RIN3: variants seen among roughly 807,000 people sequenced by gnomAD.
The protein encoded by RIN3 is RAB5 interacting protein 3.
Under a neutral mutation model 76.3 loss-of-function variants are expected in RIN3, and 54 were observed. The observed-to-expected ratio is 0.71, with a 90% confidence interval of 0.57 to 0.89. The LOEUF is 0.89. Among genes scored for constraint, RIN3 ranks in the 40% least tolerant of loss-of-function variants. RIN3 has a pLI of 0.00. For missense variants in RIN3, 1,256 were observed against 1,322.1 expected (o/e 0.95, Z 0.78); for synonymous variants, 576 against 564.0 (o/e 1.02, Z -0.30).
chr14:92,559,919 C>T (rs557881598), intron 2 of RIN3, among the ~76,000 whole-genome samples: 37 of 152,306 alleles, frequency 2.4e-4, no homozygotes, highest in African/African-American at 6.7e-4. Flanking sequence ...TTGACTGATT[C>T]GGGTCTGGGA....
chr14:92,517,560 G>A (rs1040769021), intron 1 of RIN3, among the ~76,000 whole-genome samples: 3 of 152,112 alleles, frequency 2.0e-5, no homozygotes, highest in African/African-American at 7.2e-5. Flanking sequence ...GAAGAGAGTG[G>A]GGGGCCATGC....
chr14:92,614,889 G>A (rs111857375), intron 3 of RIN3, among the ~76,000 whole-genome samples: 7 of 142,450 alleles, frequency 4.9e-5, no homozygotes, highest in African/African-American at 1.9e-4. Flanking sequence ...CTGTTGCCCA[G>A]GCGAAATGCT....
At chr14:92,644,822 C>T (rs67910622) in intron 5 of RIN3, 78,814 of 152,028 alleles carry the variant, frequency 0.52, 21,087 homozygotes, top group Non-Finnish European at 0.6. Context: ...AGGCTTGGGC[C>T]CTGCCAACCT....
At chr14:92,566,875 T>TCCCCA (rs1897928556) in intron 2 of RIN3, among the ~76,000 whole-genome samples, 1 of 152,186 alleles carries the variant, frequency 6.6e-6, no homozygotes, top group African/African-American at 2.4e-5. Context: ...TTTTCTCATC[T>TCCCCA]GCATGGAGGG....
intron 3 of RIN3, among the ~76,000 whole-genome samples, chr14:92,581,106 C>T (rs1898420852): frequency 6.6e-6 from 1 of 152,204 alleles, no homozygotes; most frequent in African/African-American, 2.4e-5. Flanking sequence ...CCTCTGATGA[C>T]AGCAGAAGAG....
At chr14:92,559,767 G>A (rs1351545700) in intron 2 of RIN3, among the ~76,000 whole-genome samples, 1 of 152,216 alleles carries the variant, frequency 6.6e-6, no homozygotes, top group African/African-American at 2.4e-5. Context: ...AGAGTAGCAG[G>A]TGACATAACA....
At chr14:92,553,766 C>T (rs546692686) in intron 1 of RIN3, among the ~76,000 whole-genome samples, 2 of 152,196 alleles carry the variant, frequency 1.3e-5, no homozygotes, top group East Asian at 3.9e-4. Flanking sequence ...TTGACACACC[C>T]CTCCTCATGA....
At chr14:92,674,172 G>A (rs1001414671) in intron 7 of RIN3, among the ~76,000 whole-genome samples, 6 of 152,212 alleles carry the variant, frequency 3.9e-5, no homozygotes, top group South Asian at 2.1e-4. Context: ...GAGGTGAGAG[G>A]AGGGAAGGAG....
intron 5 of RIN3, among the ~76,000 whole-genome samples, chr14:92,642,696 C>A (rs1566882134): frequency 2.0e-5 from 3 of 152,148 alleles, no homozygotes; most frequent in Admixed American, 1.3e-4. Flanking sequence ...AAAGAAGACA[C>A]CCCTTGGTTC....
At chr14:92,558,089 C>G (rs767158638) in intron 2 of RIN3, among the ~76,000 whole-genome samples, 10 of 152,212 alleles carry the variant, frequency 6.6e-5, no homozygotes, top group Non-Finnish European at 1.5e-4. Context: ...TGGCTCATGC[C>G]TATAATCCCA....
Position 92,688,176 on chromosome 14 carries a change from G to A in RIN3, c.2882G>A (p.Arg961Gln), listed in dbSNP as rs1339887112. Residue 961 changes from arginine (R) to glutamine (Q), a missense_variant, in exon 10 of 10, where the codon CGG becomes CAG. Arg to Gln is a conservative substitution (Grantham distance 43, BLOSUM62 1). This residue lies in a region of RIN3 where 218 missense variants were observed against 174.5 expected (regional missense o/e 1.25). Coordinates refer to ENST00000216487, the MANE Select transcript of RIN3 (RefSeq NM_024832.5). ...AAGCGCGACTTCCACTTTGTCTACCGGCCCCTGGACGGTGGTGGCGGCGGC... is the reference window on the plus strand; with the variant it reads ...AAGCGCGACTTCCACTTTGTCTACCAGCCCCTGGACGGTGGTGGCGGCGGC... ...EPKRDFHFVY[R>Q]PLDGGGGGGG... 1.9e-6 allele frequency: 3 copies of A among 1,595,854 alleles called. No individual in the cohort carries two copies. The highest frequency in any genetic ancestry group is 2.6e-6 in the Non-Finnish European group (3 of 1,175,132).
At chr14:92,557,538 G>C (rs924155334) in intron 2 of RIN3, among the ~76,000 whole-genome samples, 1 of 152,224 alleles carries the variant, frequency 6.6e-6, no homozygotes, top group Non-Finnish European at 1.5e-5. Flanking sequence ...CCTCGGACGA[G>C]GTAAAATGCA....
intron 1 of RIN3, among the ~76,000 whole-genome samples, chr14:92,536,034 T>C (rs10141468): frequency 0.66 from 99,855 of 151,910 alleles, 33,366 homozygotes; most frequent in Non-Finnish European, 0.72. Context: ...AGAAATCAGG[T>C]GACTGTAAAT....
intron 4 of RIN3, chr14:92,615,744 T>A (rs2140103887): frequency 2.1e-6 from 1 of 475,222 alleles, no homozygotes; most frequent in Middle Eastern, 5.8e-4. Context: ...ATCATCAGCT[T>A]CAAGGACAGC....
chr14:92,662,727 T>C (rs1332546893), intron 7 of RIN3, among the ~76,000 whole-genome samples: 1 of 152,206 alleles, frequency 6.6e-6, no homozygotes, highest in African/African-American at 2.4e-5. Flanking sequence ...AGCTTTGCGC[T>C]GGAAGGGGCA....
intron 4 of RIN3, among the ~76,000 whole-genome samples, chr14:92,621,341 A>G (rs371327380): frequency 2.0e-4 from 30 of 150,650 alleles, no homozygotes; most frequent in African/African-American, 6.8e-4. Flanking sequence ...ATATTTTAAG[A>G]GATTTATTCT....
chr14:92,591,113 G>A (rs1049931925), intron 3 of RIN3, among the ~76,000 whole-genome samples: 3 of 152,240 alleles, frequency 2.0e-5, no homozygotes, highest in South Asian at 4.1e-4. Flanking sequence ...AGGACAAATG[G>A]GGAATGTAAG....
At position 92,644,087 on chromosome 14, in the gene RIN3, G is replaced by T. The variant is rs149431934; in HGVS notation, c.532+2758G>T. On this transcript the variant is annotated intron_variant, in intron 5 of 9. Transcript: ENST00000216487. ...TTCCCTGAAGAAATCCTCAGGGCTG[G>T]GCCTGGTGGCTCACACCTGTAAAGT... is the stretch of plus-strand genomic sequence containing the variant. Among the ~76,000 whole-genome samples, 589 of 152,270 alleles carry T rather than the reference G, an allele frequency of 3.9e-3. 7 individuals carry two copies. Among genetic ancestry groups the T allele is most frequent in the African/African-American group, 0.013 (558 of 41,556 alleles).
intron 8 of RIN3, among the ~76,000 whole-genome samples, chr14:92,678,879 G>T (rs1044894869): frequency 6.6e-6 from 1 of 152,194 alleles, no homozygotes; most frequent in Non-Finnish European, 1.5e-5. Flanking sequence ...TTTCCCCAAG[G>T]AAGGGAAGCT....
Sources: allele counts gnomAD v4.1 joint callset (sites outside exome capture counted in the v4.1 genomes callset), GRCh38; gene constraint gnomAD v4.1.1; regional missense constraint gnomAD v4.1.1; transcripts MANE v1.5; gene names NCBI Gene and HGNC (gene_info 2026-07-23, HGNC 2026-07-21).